The following STK33 variants were observed in gnomAD, a reference collection of about 807,000 sequenced individuals.
STK33 encodes the protein serine/threonine kinase 33.
A neutral mutation model predicts 58.0 loss-of-function variants in STK33; 52 were observed. The observed-to-expected ratio is 0.90, with a 90% CI of 0.72 to 1.13. The LOEUF is 1.13. Among genes scored for constraint, STK33 ranks in the 50% most tolerant of loss-of-function variants. The pLI is 0.00. For synonymous variants in STK33, 215 were observed against 200.1 expected (o/e 1.07, Z -0.63); for missense variants, 630 against 604.2 (o/e 1.04, Z -0.45).
intron 12 of STK33, among the ~76,000 whole-genome samples, chr11:8,439,869 T>TATATATATATATATATATATATA (rs1554930119): frequency 3.7e-5 from 4 of 107,270 alleles, no homozygotes; most frequent in Admixed American, 1.0e-4. Context: ...TATATTATAA[T>TATATATATATATATATATATATA]TATATATATA....
intron 11 of STK33, among the ~76,000 whole-genome samples, chr11:8,448,289 G>C (rs1199270773): frequency 6.6e-6 from 1 of 152,106 alleles, no homozygotes; most frequent in Non-Finnish European, 1.5e-5. Context: ...CTACTTTAAA[G>C]TTCATATGGA....
chr11:8,591,735 A>C (rs1026230780), intron 1 of STK33, among the ~76,000 whole-genome samples: 1 of 152,072 alleles, frequency 6.6e-6, no homozygotes, highest in African/African-American at 2.4e-5. Context: ...TATCGCAAGG[A>C]CAAAAAACCA....
chr11:8,413,222 T>G (rs1423266588), intron 15 of STK33, among the ~76,000 whole-genome samples: 1 of 152,208 alleles, frequency 6.6e-6, no homozygotes. Flanking sequence ...CAAAGACTAC[T>G]AGGGCCCACA....
At chr11:8,357,966 G>A in the STK33 span, among the ~76,000 whole-genome samples, 1 of 152,204 alleles carries the variant, frequency 6.6e-6, no homozygotes, top group Non-Finnish European at 1.5e-5. Context: ...CTGAAGTTTG[G>A]TTTAACAGGG....
At chr11:8,447,902 T>C (rs1415190585) in intron 11 of STK33, among the ~76,000 whole-genome samples, 1 of 152,066 alleles carries the variant, frequency 6.6e-6, no homozygotes, top group Non-Finnish European at 1.5e-5. Context: ...TGTCTCAGCC[T>C]AAAATCTCCT....
chr11:8,455,203 GA>G (rs1268403341), intron 9 of STK33, among the ~76,000 whole-genome samples: 1 of 152,122 alleles, frequency 6.6e-6, no homozygotes, highest in Non-Finnish European at 1.5e-5. Flanking sequence ...TCAAATACAG[GA>G]TTACTTCTTT....
At position 8,420,026 on chromosome 11, in the gene STK33, T is replaced by G. The variant is rs944048178; in HGVS notation, c.1147-6334A>C. Among the ~76,000 whole-genome samples, 3 of 152,134 alleles carry G rather than the reference T, an allele frequency of 2.0e-5. No individual in the cohort carries two copies. The East Asian group carries it at 5.8e-4, about 29-fold the overall frequency. ...TCTCACTATGTTGCCTAAGCTGGTG[T>G]TGAACTCCTAGATTCAAGTGATCCT... On this transcript the variant is annotated intron_variant, in intron 14 of 15. Coordinates refer to ENST00000687296, the MANE Select transcript of STK33 (RefSeq NM_001352389.2).
At chr11:8,381,418 C>G in the STK33 span, among the ~76,000 whole-genome samples, 2 of 152,150 alleles carry the variant, frequency 1.3e-5, no homozygotes, top group Admixed American at 1.3e-4. Context: ...AGGGTTAGGG[C>G]TCCTGCTGTT....
chr11:8,558,658 G>C (rs770628468), intron 1 of STK33, among the ~76,000 whole-genome samples: 3 of 152,122 alleles, frequency 2.0e-5, no homozygotes, highest in Admixed American at 6.6e-5. Context: ...GGTGAACTGA[G>C]GTAGCTGGTA....
At chr11:8,530,307 A>T (rs941711873) in intron 1 of STK33, among the ~76,000 whole-genome samples, 2 of 152,148 alleles carry the variant, frequency 1.3e-5, no homozygotes, top group African/African-American at 4.8e-5. Flanking sequence ...GAGCATTTAA[A>T]TGTCTCTGGT....
intron 14 of STK33, among the ~76,000 whole-genome samples, chr11:8,425,852 G>A (rs1018529467): frequency 1.6e-4 from 24 of 152,068 alleles, no homozygotes; most frequent in Admixed American, 8.5e-4. Flanking sequence ...GGTGTGGCTC[G>A]CTTCTTCTGT....
Position 8,553,187 on chromosome 11 carries a change from TATATATATATGGTGTATA to T in STK33, c.-466+40878_-466+40895del, listed in dbSNP as rs1413947910. Among the ~76,000 whole-genome samples, 4 of 75,886 alleles carry T rather than the reference TATATATATATGGTGTATA, an allele frequency of 5.3e-5. 1 individual carries two copies. Among genetic ancestry groups the T allele is most frequent in the Non-Finnish European group, 9.3e-5 (4 of 43,190 alleles). 49.8% of individuals were successfully genotyped at this position (75,886 alleles called of 152,430 possible). A position where few individuals can be genotyped will look rare whatever the true frequency, so the allele number is the denominator to read the frequency against. On this transcript the variant is annotated intron_variant, in intron 1 of 15. Transcript: ENST00000687296. ...AATAAAATATATATATATATATATA[TATATATATATGGTGTATA>T]TATATATATATATATATATGGTGTG...
chr11:8,365,904 C>T, the STK33 span, among the ~76,000 whole-genome samples: 1 of 152,216 alleles, frequency 6.6e-6, no homozygotes, highest in Non-Finnish European at 1.5e-5. Context: ...GTCCTTCCAG[C>T]TCTGGTCTCA....
chr11:8,490,526 G>A (rs1318055284), intron 1 of STK33, among the ~76,000 whole-genome samples: 1 of 152,192 alleles, frequency 6.6e-6, no homozygotes, highest in African/African-American at 2.4e-5. Flanking sequence ...AACTTCTGCA[G>A]ACTTAAACGT....
intron 15 of STK33, among the ~76,000 whole-genome samples, chr11:8,402,573 A>G (rs1363970364): frequency 6.6e-6 from 1 of 152,184 alleles, no homozygotes; most frequent in Admixed American, 6.5e-5. Flanking sequence ...TATGTAACAA[A>G]CCTGCATGTT....
chr11:8,444,001 T>C (rs1338139957), intron 11 of STK33, among the ~76,000 whole-genome samples: 1 of 152,034 alleles, frequency 6.6e-6, no homozygotes, highest in Non-Finnish European at 1.5e-5. Context: ...AGGGAGGCCC[T>C]GTTCCAAAAA....
chr11:8,339,257 G>A, the STK33 span, among the ~76,000 whole-genome samples: 1 of 151,952 alleles, frequency 6.6e-6, no homozygotes, highest in Admixed American at 6.6e-5. Context: ...ATCCAGGCAC[G>A]GGGTTAGCAC....
chr11:8,510,880 G>A (rs1382603088), intron 1 of STK33, among the ~76,000 whole-genome samples: 4 of 152,066 alleles, frequency 2.6e-5, no homozygotes, highest in African/African-American at 9.7e-5. Context: ...TTTTATACCA[G>A]TGCCATGCTG....
chr11:8,460,351 C>T (rs1235715429), intron 8 of STK33, among the ~76,000 whole-genome samples: 1 of 151,646 alleles, frequency 6.6e-6, no homozygotes, highest in South Asian at 2.1e-4. Context: ...GAAGACCGAG[C>T]GTGTTAAGTA....
Sources: gnomAD v4.1 joint callset for allele counts (sites outside exome capture counted in the v4.1 genomes callset) on GRCh38, gnomAD v4.1.1 for gene constraint, MANE v1.5 for transcripts, NCBI Gene and HGNC (gene_info 2026-07-23, HGNC 2026-07-21) for gene names.